RANGAP1: variants seen among roughly 807,000 people sequenced by gnomAD.
The protein encoded by RANGAP1 is ran GTPase-activating protein 1.
A neutral mutation model predicts 63.5 loss-of-function variants in RANGAP1; 38 were observed. That is an observed-to-expected ratio of 0.60 (90% CI 0.46 to 0.78). The LOEUF (loss-of-function observed/expected upper bound fraction) is 0.78. Ranked by LOEUF, RANGAP1 falls within the 30% of genes least tolerant of loss-of-function variation. RANGAP1 has a pLI of 0.00. For synonymous variants in RANGAP1, 329 were observed against 310.5 expected, an observed-to-expected ratio of 1.06 and a Z score of -0.63; for missense variants, 630 against 740.3, an observed-to-expected ratio of 0.85 and a Z score of 1.73.
In RANGAP1 at chr22:41,256,282, G is replaced by A. The variant is rs2145716431; in HGVS notation, c.897C>T (p.Asn299=). 1.2e-6 allele frequency: 2 copies of A among 1,614,114 alleles called. No homozygotes were observed. The highest frequency in any genetic ancestry group is 1.6e-4 in the Middle Eastern group (1 of 6,062). Residue 299 remains asparagine (N), a synonymous_variant, in exon 9 of 16, where the codon AAC becomes AAT. Transcript: ENST00000356244. ...RGGLPKLKEL[N]LSFCEIKRDA... ...CCCTCTTGATTTCACAGAATGACAA[G>A]TTCAGCTCCTGAAAATAAGAGGAAG...
chr22:41,246,322 G>A lies in RANGAP1; in HGVS notation c.*281C>T. ...TCAGGTGGAGGTGAGTTTAATGGCGGAGCAGCTCACAGCCCTTTCCCCTGG... is the reference window on the plus strand; with the variant it reads ...TCAGGTGGAGGTGAGTTTAATGGCGAAGCAGCTCACAGCCCTTTCCCCTGG... On this transcript the variant is annotated 3_prime_UTR_variant, in exon 16 of 16. Coordinates refer to ENST00000356244, the MANE Select transcript of RANGAP1 (RefSeq NM_002883.4). 1 of 308,280 alleles carries A rather than the reference G, an allele frequency of 3.2e-6. No homozygotes were observed. Among genetic ancestry groups the A allele is most frequent in the Non-Finnish European group, 6.1e-6 (1 of 163,382 alleles). 19.1% of individuals were successfully genotyped at this position (308,280 alleles called of 1,614,324 possible).
rs553450574 is a variant in RANGAP1, at chr22:41,282,691, T to C, written c.-38-1609A>G. Among the ~76,000 whole-genome samples the C allele has an allele frequency of 1.8e-4, 28 of 152,324 alleles. No individual in the cohort carries two copies. The South Asian group carries it at 4.8e-3, about 26-fold the overall frequency. ...GCGCCTGCTCATGGTACTCCAGCTT[T>C]ACTTGGAGTACATGTGAGATTAAAT... is the stretch of plus-strand genomic sequence containing the variant. On this transcript the variant is annotated intron_variant, in intron 1 of 15. Coordinates refer to ENST00000356244, the MANE Select transcript of RANGAP1 (RefSeq NM_002883.4).
In RANGAP1 at chr22:41,274,611, ACTT is replaced by A. The variant is rs773220747; in HGVS notation, c.226_228del (p.Lys76del). 2.5e-6 allele frequency: 4 copies of A among 1,614,076 alleles called. No individual in the cohort carries two copies. The highest frequency in any genetic ancestry group is 3.4e-6 in the Non-Finnish European group (4 of 1,179,982). On this transcript the variant is annotated inframe_deletion, in exon 3 of 16. Transcript: ENST00000356244. The stretch of plus-strand genomic sequence containing the variant: ...CCCACTCTGCTCACCTTCAACTCCG[ACTT>A]CTTCTCTAAGGCCTTGGCGATGACC...
At chr22:41,254,677 A>C in intron 10 of RANGAP1, 183 bp from the exon 11 acceptor site, 5 of 981,432 alleles carry the variant, frequency 5.1e-6, no homozygotes, top group Non-Finnish European at 4.8e-6. Flanking sequence ...CTGTGGACAC[A>C]AAAAAATAAG....
At chr22:41,295,147 ACTGGGAAGTGAGGAGCCCCTCTGCCCG>A in the RANGAP1 span, among the ~76,000 whole-genome samples, 24 of 132,994 alleles carry the variant, frequency 1.8e-4, no homozygotes, top group East Asian at 0.014. Flanking sequence ...GGCCGCCCCT[ACTGGGAAGTGAGGAGCCCCTCTGCCCG>A]GCCACCACCC....
At chr22:41,272,281 AG>A (rs2034886403) in intron 3 of RANGAP1, among the ~76,000 whole-genome samples, 1 of 152,052 alleles carries the variant, frequency 6.6e-6, no homozygotes, top group Admixed American at 6.6e-5. Context: ...GCTTATGCTC[AG>A]GGAAAGTACA....
intron 6 of RANGAP1, among the ~76,000 whole-genome samples, chr22:41,259,274 T>C (rs1271870151): frequency 3.9e-5 from 6 of 152,106 alleles, no homozygotes; most frequent in Admixed American, 3.9e-4. Context: ...AGGTGCTCAG[T>C]GCAGCACAGG....
At chr22:41,256,412 G>A in intron 8 of RANGAP1, 122 bp from the exon 9 acceptor site, 1 of 939,812 alleles carries the variant, frequency 1.1e-6, no homozygotes, top group Non-Finnish European at 1.6e-6. Context: ...GTGGGGCAAA[G>A]TGGGCAGGAA....
Position 41,249,349 on chromosome 22 carries a change from G to A in RANGAP1, c.1675C>T (p.Leu559=), listed in dbSNP as rs868439558. The A allele has an allele frequency of 1.1e-5, 17 of 1,608,658 alleles. No individual in the cohort carries two copies. The Middle Eastern group carries it at 2.3e-3, about 220-fold the overall frequency. ...DYFPKALAPL[L]LAFVTKPNSA... ...ACTCACTTGGTCACGAACGCCAGCAGCAGGGGTGCAAGGGCCTTGGGGAAA... is the reference window on the plus strand; with the variant it reads ...ACTCACTTGGTCACGAACGCCAGCAACAGGGGTGCAAGGGCCTTGGGGAAA... The change falls in exon 15 of 16, where the codon CTG becomes TTG. Residue 559 remains leucine (L), a synonymous_variant. Transcript: ENST00000356244.
intron 2 of RANGAP1, 160 bp downstream of exon 2, chr22:41,280,773 C>G: frequency 6.5e-7 from 1 of 1,527,888 alleles, no homozygotes; most frequent in Non-Finnish European, 8.8e-7. Context: ...GGCAAATGAT[C>G]TCTGAGCCTC....
At chr22:41,297,801 C>A in the RANGAP1 span, among the ~76,000 whole-genome samples, 1 of 151,170 alleles carries the variant, frequency 6.6e-6, no homozygotes, top group Non-Finnish European at 1.5e-5. Context: ...AGCCATCCTC[C>A]TGGTTCAGCC....
At chr22:41,247,028 T>C (rs1366827366) in intron 15 of RANGAP1, among the ~76,000 whole-genome samples, 1 of 152,158 alleles carries the variant, frequency 6.6e-6, no homozygotes, top group Non-Finnish European at 1.5e-5. Context: ...TGGCTAGCCA[T>C]TGTTTTTTTG....
intron 1 of RANGAP1, chr22:41,285,517 T>A: frequency 1.0e-6 from 1 of 985,454 alleles, no homozygotes; most frequent in Non-Finnish European, 1.2e-6. Context: ...AGATGCATGC[T>A]CCTGCAAAGC....
intron 2 of RANGAP1, chr22:41,277,552 T>C: frequency 8.6e-7 from 1 of 1,164,360 alleles, no homozygotes; most frequent in Non-Finnish European, 1.1e-6. Context: ...GAGATGGGTA[T>C]GGGAGATAAA....
chr22:41,261,433 A>G lies in RANGAP1; in HGVS notation c.615+13T>C, dbSNP rs771557618. 3.1e-6 allele frequency: 5 copies of G among 1,614,070 alleles called. No homozygotes were observed. In the African/African-American group the frequency reaches 6.7e-5, roughly 22 times the overall value. ...TCAAGGCTGCAGGGGCAGGATGGAC[A>G]GAAACCACTCACCCTAAAAGCTTCT... On this transcript the variant is annotated intron_variant, in intron 6 of 15. Transcript: ENST00000356244.
intron 4 of RANGAP1, among the ~76,000 whole-genome samples, chr22:41,267,670 G>A (rs552080507): frequency 6.6e-6 from 1 of 152,306 alleles, no homozygotes; most frequent in African/African-American, 2.4e-5. Context: ...ACAGTGGTAC[G>A]GAGAAAGGGA....
rs1260086125 is a variant in RANGAP1 at position 41,252,303 on chromosome 22, A to AAATAAATCTC, written c.1380+568_1380+569insGAGATTTATT. 1.6e-3 allele frequency among the ~76,000 whole-genome samples: 247 copies of AAATAAATCTC among 152,292 alleles called. 2 individuals are homozygous for AAATAAATCTC. Among genetic ancestry groups the AAATAAATCTC allele is most frequent in the Non-Finnish European group, 2.5e-4 (17 of 68,028 alleles). Reference sequence around the variant, plus strand: ...GGCGACAGAGTGAGACTCCATCTCAAAAAAATAAATAAATAAATAAATAAT... The same window carrying AAATAAATCTC: ...GGCGACAGAGTGAGACTCCATCTCAAAATAAATCTCAAAAATAAATAAATAAATAAATAAT... On this transcript the variant is annotated intron_variant, in intron 12 of 15. Coordinates refer to ENST00000356244, the MANE Select transcript of RANGAP1 (RefSeq NM_002883.4).
intron 3 of RANGAP1, among the ~76,000 whole-genome samples, chr22:41,270,921 A>G (rs1377738551): frequency 7.0e-6 from 1 of 143,520 alleles, no homozygotes; most frequent in Non-Finnish European, 1.6e-5. Flanking sequence ...AAGCTCCCCA[A>G]ACCTAACTCT....
intron 2 of RANGAP1, chr22:41,277,347 G>T: frequency 1.8e-6 from 1 of 551,640 alleles, no homozygotes; most frequent in Non-Finnish European, 2.7e-6. Flanking sequence ...CAAACTGCTG[G>T]GATTACAGGC....
Sources: gnomAD v4.1 joint callset for allele counts (sites outside exome capture counted in the v4.1 genomes callset) on GRCh38, gnomAD v4.1.1 for gene constraint, MANE v1.5 for transcripts, NCBI Gene and HGNC (gene_info 2026-07-23, HGNC 2026-07-21) for gene names.